The following GNG4 variants were observed in gnomAD, a reference collection of about 807,000 sequenced individuals.
The protein encoded by GNG4 is G protein subunit gamma 4.
GNG4 carries 4 observed loss-of-function variants against 5.8 expected under a neutral mutation model. The observed-to-expected ratio is 0.69, with a 90% CI of 0.34 to 1.57. The LOEUF (loss-of-function observed/expected upper bound fraction) is 1.57, where lower values mean the gene tolerates loss of function less well. Ranked by LOEUF, GNG4 falls within the 40% of genes most tolerant of loss-of-function variation. GNG4 has a pLI of 0.06. For synonymous variants in GNG4, 29 were observed against 32.9 expected, an observed-to-expected ratio of 0.88 and a Z score of 0.41; for missense variants, 96 against 95.1, an observed-to-expected ratio of 1.01 and a Z score of -0.04.
chr1:235,563,020 A>G (rs1054000467), intron 3 of GNG4, among the ~76,000 whole-genome samples: 1 of 152,240 alleles, frequency 6.6e-6, no homozygotes, highest in Admixed American at 6.5e-5. Flanking sequence ...TTATTAAGAT[A>G]GATGTATTTG....
At chr1:235,646,102 C>A (rs1292696457) in intron 1 of GNG4, among the ~76,000 whole-genome samples, 3 of 152,286 alleles carry the variant, frequency 2.0e-5, no homozygotes, top group African/African-American at 4.8e-5. Flanking sequence ...TAGAGTGCTT[C>A]TTCTATCTCT....
At chr1:235,629,179 C>T (rs767672493) in intron 1 of GNG4, among the ~76,000 whole-genome samples, 3 of 150,158 alleles carry the variant, frequency 2.0e-5, no homozygotes, top group Non-Finnish European at 3.0e-5. Flanking sequence ...CACCATGCCC[C>T]GCCAATTAAA....
At chr1:235,600,607 AC>A (rs1274534763) in intron 1 of GNG4, among the ~76,000 whole-genome samples, 3 of 151,676 alleles carry the variant, frequency 2.0e-5, no homozygotes, top group African/African-American at 7.3e-5. Context: ...AACTTTTTGT[AC>A]AGACAGGATC....
intron 2 of GNG4, among the ~76,000 whole-genome samples, chr1:235,586,417 T>C (rs1687761650): frequency 6.6e-6 from 1 of 152,334 alleles, no homozygotes; most frequent in East Asian, 1.9e-4. Flanking sequence ...TGCGTTGCTG[T>C]GTGTCTACAC....
At chr1:235,606,381 T>C (rs1688360502) in intron 1 of GNG4, among the ~76,000 whole-genome samples, 1 of 151,386 alleles carries the variant, frequency 6.6e-6, no homozygotes, top group African/African-American at 2.4e-5. Flanking sequence ...GACTCCGTCT[T>C]AAAAAAAAGA....
intron 1 of GNG4, among the ~76,000 whole-genome samples, chr1:235,623,420 C>T (rs1157467863): frequency 6.6e-6 from 1 of 152,192 alleles, no homozygotes; most frequent in African/African-American, 2.4e-5. Context: ...GTAAAGGACA[C>T]TCCCATCCAC....
intron 2 of GNG4, among the ~76,000 whole-genome samples, chr1:235,593,271 C>T (rs924168466): frequency 6.6e-6 from 1 of 152,176 alleles, no homozygotes; most frequent in African/African-American, 2.4e-5. Flanking sequence ...TTCTGATGGG[C>T]TGCATCTTGC....
intron 3 of GNG4, among the ~76,000 whole-genome samples, chr1:235,579,160 T>C (rs1687559251): frequency 6.6e-6 from 1 of 151,286 alleles, no homozygotes; most frequent in Non-Finnish European, 1.5e-5. Flanking sequence ...CACATCATGG[T>C]GACTACAATT....
intron 3 of GNG4, among the ~76,000 whole-genome samples, chr1:235,576,019 T>G (rs1687474020): frequency 6.6e-6 from 1 of 152,060 alleles, no homozygotes; most frequent in Non-Finnish European, 1.5e-5. Flanking sequence ...CATAACCGCT[T>G]GTCGGATTTT....
intron 3 of GNG4, among the ~76,000 whole-genome samples, chr1:235,558,048 G>A (rs1686963709): frequency 6.6e-6 from 1 of 152,144 alleles, no homozygotes; most frequent in Non-Finnish European, 1.5e-5. Context: ...TAAGATCACA[G>A]TTGCGTTTGC....
chr1:235,594,489 G>C (rs946040700), intron 2 of GNG4, among the ~76,000 whole-genome samples: 4 of 152,182 alleles, frequency 2.6e-5, no homozygotes, highest in African/African-American at 7.2e-5. Flanking sequence ...AGGGGGCGGT[G>C]ATTGTCCAGG....
intron 1 of GNG4, among the ~76,000 whole-genome samples, chr1:235,634,681 G>A (rs1043857582): frequency 3.3e-5 from 5 of 152,208 alleles, no homozygotes; most frequent in African/African-American, 7.2e-5. Context: ...AGTGGCTCAC[G>A]CCTGTAATCC....
chr1:235,641,430 C>T (rs1657325108), intron 1 of GNG4, among the ~76,000 whole-genome samples: 1 of 151,030 alleles, frequency 6.6e-6, no homozygotes, highest in East Asian at 2.0e-4. Flanking sequence ...GTGGCTCACG[C>T]CCGTAATCCC....
intron 1 of GNG4, among the ~76,000 whole-genome samples, chr1:235,631,978 A>AGCCTGGGAGG (rs1688940469): frequency 6.6e-6 from 1 of 152,244 alleles, no homozygotes; most frequent in Admixed American, 6.5e-5. Context: ...GTTTAAGTGA[A>AGCCTGGGAGG]GCCTGGGAGG....
chr1:235,573,713 G>C (rs552970472), intron 3 of GNG4, among the ~76,000 whole-genome samples: 12 of 152,174 alleles, frequency 7.9e-5, no homozygotes, highest in Middle Eastern at 3.4e-3. Flanking sequence ...AGAGGCGGAG[G>C]TTGCAGTGAG....
intron 1 of GNG4, among the ~76,000 whole-genome samples, chr1:235,609,420 T>C (rs1288271309): frequency 6.6e-6 from 1 of 152,186 alleles, no homozygotes; most frequent in Non-Finnish European, 1.5e-5. Flanking sequence ...TTTCCACTTT[T>C]TGGGTTATAG....
At chr1:235,647,853 A>G (rs936751561) in intron 1 of GNG4, among the ~76,000 whole-genome samples, 3 of 152,078 alleles carry the variant, frequency 2.0e-5, no homozygotes, top group Non-Finnish European at 2.9e-5. Context: ...CCAGGCCGGT[A>G]TCGGACTCCT....
At chr1:235,616,347 T>C (rs941442154) in intron 1 of GNG4, 1 of 427,868 alleles carries the variant, frequency 2.3e-6, no homozygotes, top group Admixed American at 2.6e-5. Context: ...TTGGCCAGAT[T>C]CACCGTCATG....
intron 3 of GNG4, among the ~76,000 whole-genome samples, chr1:235,576,060 CTTTTTT>C (rs58409885): frequency 1.8e-5 from 2 of 112,946 alleles, no homozygotes; most frequent in African/African-American, 3.4e-5. Flanking sequence ...CATATATGTA[CTTTTTT>C]TTTTTTTTTT....
Sources: allele counts gnomAD v4.1 joint callset (sites outside exome capture counted in the v4.1 genomes callset), GRCh38; gene constraint gnomAD v4.1.1; transcripts MANE v1.5; gene names NCBI Gene and HGNC (gene_info 2026-07-23, HGNC 2026-07-21).